The following MAML3 variants were observed in gnomAD, a reference collection of about 807,000 sequenced individuals.
MAML3 encodes the protein mastermind-like protein 3.
In MAML3, 27 loss-of-function variants were observed where a neutral mutation model predicts 101.9. The ratio of observed to expected loss-of-function variants is 0.27; its 90% CI spans 0.20 to 0.37. MAML3 has a LOEUF of 0.37. Ranked by LOEUF, MAML3 falls within the 10% of genes least tolerant of loss-of-function variation. The pLI is 1.00. For missense variants in MAML3, 1,316 were observed against 1,444.9 expected (o/e 0.91, Z 1.45); for synonymous variants, 501 against 555.9 (o/e 0.90, Z 1.39).
chr4:139,984,614 C>T (rs1734504244), intron 1 of MAML3, among the ~76,000 whole-genome samples: 1 of 152,132 alleles, frequency 6.6e-6, no homozygotes, highest in South Asian at 2.1e-4. Context: ...AAAAACAGAA[C>T]CAACATGAGA....
chr4:139,831,352 T>G (rs912488229), intron 2 of MAML3, among the ~76,000 whole-genome samples: 1 of 152,108 alleles, frequency 6.6e-6, no homozygotes, highest in African/African-American at 2.4e-5. Flanking sequence ...ACACCTAAAA[T>G]CTTAAAATAA....
intron 1 of MAML3, among the ~76,000 whole-genome samples, chr4:139,931,705 T>A (rs1456398324): frequency 6.6e-6 from 1 of 152,018 alleles, no homozygotes; most frequent in Admixed American, 6.6e-5. Flanking sequence ...TAAAAAGAAC[T>A]TTGTAAAAGT....
At chr4:139,910,920 T>C (rs1732904471) in intron 1 of MAML3, among the ~76,000 whole-genome samples, 1 of 152,172 alleles carries the variant, frequency 6.6e-6, no homozygotes, top group Non-Finnish European at 1.5e-5. Flanking sequence ...TCTTAGCCAT[T>C]TCTAAGTGTA....
At chr4:140,121,236 C>CA (rs1399051334) in intron 1 of MAML3, among the ~76,000 whole-genome samples, 3 of 152,154 alleles carry the variant, frequency 2.0e-5, no homozygotes, top group Non-Finnish European at 4.4e-5. Flanking sequence ...CAAATAGATA[C>CA]AAATATTAAT....
chr4:139,974,455 T>A (rs534967441), intron 1 of MAML3, among the ~76,000 whole-genome samples: 2 of 152,298 alleles, frequency 1.3e-5, no homozygotes, highest in East Asian at 3.9e-4. Context: ...TGTTAACCAC[T>A]ATTATAGGAG....
chr4:139,855,916 C>G (rs1357844259), intron 2 of MAML3, among the ~76,000 whole-genome samples: 2 of 152,202 alleles, frequency 1.3e-5, no homozygotes, highest in African/African-American at 4.8e-5. Flanking sequence ...AATGTAGGCT[C>G]GGGAAAACTC....
intron 2 of MAML3, among the ~76,000 whole-genome samples, chr4:139,844,994 G>C (rs142404461): frequency 3.2e-3 from 481 of 151,640 alleles, no homozygotes; most frequent in African/African-American, 0.011. Flanking sequence ...CTCTCTGTCT[G>C]TCTCTCTCTC....
At chr4:140,140,232 G>A (rs1195241217) in intron 1 of MAML3, among the ~76,000 whole-genome samples, 3 of 152,106 alleles carry the variant, frequency 2.0e-5, no homozygotes, top group African/African-American at 7.2e-5. Context: ...GCTGAGGCAA[G>A]AGAATTGCCT....
At chr4:139,902,488 CAGG>C (rs1732746003) in intron 1 of MAML3, among the ~76,000 whole-genome samples, 1 of 152,154 alleles carries the variant, frequency 6.6e-6, no homozygotes, top group Non-Finnish European at 1.5e-5. Context: ...GAAACCAAGG[CAGG>C]AGGAGAGAAT....
chr4:140,121,582 T>C (rs1022723768), intron 1 of MAML3, among the ~76,000 whole-genome samples: 25 of 152,244 alleles, frequency 1.6e-4, no homozygotes, highest in African/African-American at 5.8e-4. Flanking sequence ...ATACTCAATA[T>C]GGCAAAGCAA....
intron 1 of MAML3, among the ~76,000 whole-genome samples, chr4:139,954,119 G>A (rs914189389): frequency 1.3e-5 from 2 of 152,194 alleles, no homozygotes; most frequent in African/African-American, 2.4e-5. Flanking sequence ...ATTTGTCCAT[G>A]TGTCCTCCCT....
At chr4:139,806,783 C>T (rs1730707771) in intron 2 of MAML3, among the ~76,000 whole-genome samples, 1 of 152,022 alleles carries the variant, frequency 6.6e-6, no homozygotes, top group African/African-American at 2.4e-5. Context: ...GTTAAATGAC[C>T]AAAAACCTCA....
At chr4:140,071,211 AC>A (rs1247436687) in intron 1 of MAML3, among the ~76,000 whole-genome samples, 2 of 151,740 alleles carry the variant, frequency 1.3e-5, no homozygotes, top group Admixed American at 1.3e-4. Flanking sequence ...GTGTGCACAG[AC>A]TCCGCACACA....
chr4:140,141,524 A>G (rs1312376254), intron 1 of MAML3, among the ~76,000 whole-genome samples: 2 of 152,244 alleles, frequency 1.3e-5, no homozygotes, highest in Non-Finnish European at 2.9e-5. Context: ...AAATAAAGCC[A>G]TATAATCAAG....
At chr4:139,790,959 G>A (rs565798161) in intron 2 of MAML3, among the ~76,000 whole-genome samples, 1 of 152,274 alleles carries the variant, frequency 6.6e-6, no homozygotes, top group East Asian at 1.9e-4. Flanking sequence ...TGTTCTGGGA[G>A]TTTTGCAGAA....
At chr4:140,133,549 T>C (rs1728831975) in intron 1 of MAML3, among the ~76,000 whole-genome samples, 2 of 152,140 alleles carry the variant, frequency 1.3e-5, no homozygotes, top group Non-Finnish European at 2.9e-5. Context: ...TAAGAGTCCT[T>C]CAGGTATTAA....
chr4:139,916,358 T>C (rs1320518826), intron 1 of MAML3, among the ~76,000 whole-genome samples: 1 of 152,230 alleles, frequency 6.6e-6, no homozygotes, highest in East Asian at 1.9e-4. Context: ...TCTCAGAACA[T>C]TTCTGCTACT....
chr4:140,102,525 T>C (rs183702333), intron 1 of MAML3, among the ~76,000 whole-genome samples: 2 of 152,332 alleles, frequency 1.3e-5, no homozygotes, highest in Non-Finnish European at 2.9e-5. Flanking sequence ...TTATGCCTGA[T>C]GTCTCTTCCC....
At chr4:140,143,230 G>A (rs931998164) in intron 1 of MAML3, among the ~76,000 whole-genome samples, 2 of 152,192 alleles carry the variant, frequency 1.3e-5, no homozygotes, top group African/African-American at 4.8e-5. Context: ...CATCCTCAGT[G>A]GCTAGAACAG....
Sources: allele counts gnomAD v4.1 joint callset (sites outside exome capture counted in the v4.1 genomes callset), GRCh38; gene constraint gnomAD v4.1.1; transcripts MANE v1.5; gene names NCBI Gene and HGNC (gene_info 2026-07-23, HGNC 2026-07-21).